FANCA: variants seen among roughly 807,000 people sequenced by gnomAD.
FANCA encodes the protein Fanconi anemia group A protein.
Under a neutral mutation model 194.3 loss-of-function variants are expected in FANCA, and 236 were observed. That is an observed-to-expected ratio of 1.21 (90% CI 1.09 to 1.35). FANCA has a LOEUF of 1.35. Among genes scored for constraint, FANCA ranks in the 40% most tolerant of loss-of-function variants. The probability of loss-of-function intolerance (pLI) is 0.00; values close to 1 mark genes in which losing one functional copy is unlikely to be tolerated. For missense variants in FANCA, 2,628 were observed against 1,813.9 expected (o/e 1.45, Z -8.15); for synonymous variants, 1,014 against 715.8 (o/e 1.42, Z -6.65).
chr16:89,771,989 T>C (rs1187206144), intron 22 of FANCA, among the ~76,000 whole-genome samples, 175 bp from the exon 23 acceptor site: 2 of 152,354 alleles, frequency 1.3e-5, no homozygotes, highest in South Asian at 2.1e-4. Flanking sequence ...ATTTGCAGCC[T>C]TGTGGTGCAG....
chr16:89,779,772 T>C, intron 18 of FANCA, 97 bp downstream of exon 18: 2 of 1,029,652 alleles, frequency 1.9e-6, no homozygotes, highest in Non-Finnish European at 1.5e-6. Flanking sequence ...CTGCACACCC[T>C]GCAGGCATCA....
rs1555576919 is a variant in FANCA at position 89,812,659 on chromosome 16, A to AC, written c.284-1589_284-1588insG. On this transcript the variant is annotated intron_variant, in intron 3 of 42. Coordinates refer to ENST00000389301, the MANE Select transcript of FANCA (RefSeq NM_000135.4). The stretch of plus-strand genomic sequence containing the variant: ...AATACTCCGTCTCAAAAAAAAAAAA[A>AC]AAAAAAAAAAACTGTTAACTGCAGT... 6.6e-3 allele frequency among the ~76,000 whole-genome samples: 774 copies of AC among 116,602 alleles called. 9 individuals carry two copies. The highest frequency in any genetic ancestry group is 0.024 in the African/African-American group (749 of 31,738). 76.5% of individuals were successfully genotyped at this position (116,602 alleles called of 152,430 possible). A position where few individuals can be genotyped will look rare whatever the true frequency, so the allele number is the denominator to read the frequency against.
intron 30 of FANCA, among the ~76,000 whole-genome samples, chr16:89,756,962 C>G (rs936465567): frequency 2.2e-4 from 34 of 152,150 alleles, no homozygotes; most frequent in Admixed American, 1.8e-3. Context: ...AATCTAACCG[C>G]TGGATTTATG....
intron 7 of FANCA, among the ~76,000 whole-genome samples, chr16:89,803,668 G>A (rs532154375): frequency 6.6e-6 from 1 of 150,600 alleles, no homozygotes; most frequent in East Asian, 2.0e-4. Flanking sequence ...CTGTCGCCTG[G>A]GCTTGAGTGC....
chr16:89,770,407 T>C lies in FANCA; in HGVS notation c.2223-148A>G, dbSNP rs2143338285. 5.9e-6 allele frequency: 6 copies of C among 1,021,226 alleles called. No homozygotes were observed. The South Asian group carries it at 8.2e-5, about 14-fold the overall frequency. The allele number at this position is 1,021,226 out of a possible 1,614,324, so 63.3% of individuals were successfully genotyped here. ...CTGGAAGACAACCCATCTTCTGCAGTGCTTCCCAACTTCTGCTGCGTCCTA... is the reference window on the plus strand; with the variant it reads ...CTGGAAGACAACCCATCTTCTGCAGCGCTTCCCAACTTCTGCTGCGTCCTA... On this transcript the variant is annotated intron_variant, in intron 24 of 42. Transcript: ENST00000389301.
chr16:89,767,069 C>T (rs943198930), intron 27 of FANCA, 72 bp downstream of exon 27: 6 of 1,242,106 alleles, frequency 4.8e-6, no homozygotes, highest in African/African-American at 3.0e-5. Context: ...CAGACCTCGG[C>T]CTTCCGGTCC....
chr16:89,745,324 G>A (rs1487412698), intron 35 of FANCA, among the ~76,000 whole-genome samples: 1 of 152,244 alleles, frequency 6.6e-6, no homozygotes, highest in South Asian at 2.1e-4. Context: ...CAACAGTGAA[G>A]GGACCACACT....
chr16:89,810,569 C>T lies in FANCA; in HGVS notation c.522+138G>A, dbSNP rs533768569. On this transcript the variant is annotated intron_variant, in intron 5 of 42. Transcript: ENST00000389301. Reference sequence around the variant, plus strand: ...TCCAATCCACAGATGATTTCTAAACCCTTTTTCATCCACTCTCTGTAATTA... The same window carrying T: ...TCCAATCCACAGATGATTTCTAAACTCTTTTTCATCCACTCTCTGTAATTA... 1.2e-5 allele frequency: 9 copies of T among 722,310 alleles called. No individual in the cohort carries two copies. In the East Asian group the frequency reaches 1.3e-4, roughly 10 times the overall value. The allele number at this position is 722,310 out of a possible 1,614,324, so 44.7% of individuals were successfully genotyped here.
chr16:89,805,241 G>C, intron 7 of FANCA, 39 bp downstream of exon 7: 5 of 1,490,708 alleles, frequency 3.4e-6, no homozygotes, highest in Non-Finnish European at 4.7e-6. Context: ...AGATCAAAAT[G>C]AGTTTTACCC....
intron 6 of FANCA, among the ~76,000 whole-genome samples, chr16:89,806,344 ATTC>A (rs1449345582): frequency 3.5e-5 from 2 of 57,032 alleles, no homozygotes; most frequent in African/African-American, 2.0e-4. Flanking sequence ...CTTCTATATC[ATTC>A]TTTTTTTTTT....
chr16:89,794,717 C>G (rs764452397), intron 11 of FANCA, among the ~76,000 whole-genome samples: 1 of 152,042 alleles, frequency 6.6e-6, no homozygotes, highest in Non-Finnish European at 1.5e-5. Flanking sequence ...GAGCATCTAC[C>G]CTGGGGATAT....
In FANCA at chr16:89,792,002, C is replaced by T. The variant is rs751071791; in HGVS notation, c.1150G>A (p.Val384Ile). ...AAGGAGAGCACTCTCTGCCAGTGAACCTCCTGCGTTTCCAGAACTTCTTGC... is the reference window on the plus strand; with the variant it reads ...AAGGAGAGCACTCTCTGCCAGTGAATCTCCTGCGTTTCCAGAACTTCTTGC... ...HLQEVLETQE[V>I]HWQRVLSFVS... is the part of the protein sequence containing the mutation. The change falls in exon 13 of 43, where the codon GTT (valine) becomes ATT (isoleucine). Residue 384 changes from valine (V) to isoleucine (I), a missense_variant. Physicochemically the swap from Val to Ile is conservative, Grantham distance 29. Transcript: ENST00000389301. The T allele has an allele frequency of 1.4e-5, 22 of 1,614,058 alleles. No homozygotes were observed. Among genetic ancestry groups the T allele is most frequent in the Non-Finnish European group, 1.5e-5 (18 of 1,180,022 alleles).
At chr16:89,816,488 G>T in intron 1 of FANCA, 49 bp downstream of exon 1, 1 of 1,441,296 alleles carries the variant, frequency 6.9e-7, no homozygotes. Context: ...CGGCGAAACC[G>T]TCCCGGGCCG....
chr16:89,750,996 A>G (rs957322862), intron 31 of FANCA, among the ~76,000 whole-genome samples: 6 of 152,090 alleles, frequency 3.9e-5, no homozygotes, highest in African/African-American at 1.4e-4. Context: ...AGCTCAGCTG[A>G]TTCTCCTAAG....
At chr16:89,749,401 A>G (rs992612047) in intron 32 of FANCA, among the ~76,000 whole-genome samples, 1 of 151,920 alleles carries the variant, frequency 6.6e-6, no homozygotes, top group Non-Finnish European at 1.5e-5. Flanking sequence ...TTTTTTTTGT[A>G]TTTTTAGTAG....
chr16:89,815,082 G>C (rs763675771), intron 2 of FANCA, among the ~76,000 whole-genome samples: 1 of 152,034 alleles, frequency 6.6e-6, no homozygotes, highest in Non-Finnish European at 1.5e-5. Context: ...CTGTCGTCCA[G>C]GCTGGAGTGC....
At chr16:89,810,643 C>T in intron 5 of FANCA, 64 bp downstream of exon 5, 1 of 1,045,674 alleles carries the variant, frequency 9.6e-7, no homozygotes, top group South Asian at 1.3e-5. Context: ...TCTGTTGCCT[C>T]CATCCAGATC....
At chr16:89,795,769 G>A (rs2040224145) in intron 11 of FANCA, 137 bp downstream of exon 11, 1 of 708,410 alleles carries the variant, frequency 1.4e-6, no homozygotes. Context: ...GGCATCTGAG[G>A]ACCCAGTCTC....
At chr16:89,753,658 A>C (rs545997799) in intron 30 of FANCA, among the ~76,000 whole-genome samples, 1 of 152,192 alleles carries the variant, frequency 6.6e-6, no homozygotes, top group African/African-American at 2.4e-5. Context: ...AACCCACAGC[A>C]AACGTCAGAT....
Sources: gnomAD v4.1 joint callset for allele counts (sites outside exome capture counted in the v4.1 genomes callset) on GRCh38, gnomAD v4.1.1 for gene constraint, MANE v1.5 for transcripts, NCBI Gene and HGNC (gene_info 2026-07-23, HGNC 2026-07-21) for gene names.